ERC1: variants seen among roughly 807,000 people sequenced by gnomAD.
ERC1 encodes the protein RAB6 interacting protein 2.
Under a neutral mutation model 132.0 loss-of-function variants are expected in ERC1, and 56 were observed. That is an observed-to-expected ratio of 0.42 (90% CI 0.34 to 0.53). The LOEUF is 0.53. Ranked by LOEUF, ERC1 falls within the 20% of genes least tolerant of loss-of-function variation. ERC1 has a pLI of 0.03. For synonymous variants in ERC1, 478 were observed against 476.1 expected, an observed-to-expected ratio of 1.00 and a Z score of -0.05; for missense variants, 1,202 against 1,349.9, an observed-to-expected ratio of 0.89 and a Z score of 1.72.
chr12:1,358,177 G>A (rs2085722155), intron 15 of ERC1, among the ~76,000 whole-genome samples: 1 of 144,924 alleles, frequency 6.9e-6, no homozygotes, highest in East Asian at 2.0e-4. Context: ...AAAAAACATT[G>A]CACCCCAACC....
chr12:1,349,982 C>A (rs2084855769), intron 15 of ERC1, among the ~76,000 whole-genome samples: 1 of 152,156 alleles, frequency 6.6e-6, no homozygotes, highest in African/African-American at 2.4e-5. Context: ...CTCTACTGTT[C>A]CTTATTGAGG....
rs1229933621 is a variant in ERC1, at chr12:1,196,848, G to GTCTCTCTCTCAC, written c.2351+6807_2351+6818dup. Among the ~76,000 whole-genome samples the GTCTCTCTCTCAC allele has an allele frequency of 6.7e-4, 38 of 56,324 alleles. 1 individual carries two copies. Among genetic ancestry groups the GTCTCTCTCTCAC allele is most frequent in the Non-Finnish European group, 1.5e-3 (35 of 23,096 alleles). 37.0% of individuals were successfully genotyped at this position (56,324 alleles called of 152,430 possible). On this transcript the variant is annotated intron_variant, in intron 12 of 18. Coordinates refer to ENST00000360905, the MANE Select transcript of ERC1 (RefSeq NM_178040.4). ...TCTCTCTCTGTCTGTCTCTCTGTCT[G>GTCTCTCTCTCAC]TCTCTCTCTCACTCTCTCTCTCTCT... is the stretch of plus-strand genomic sequence containing the variant.
chr12:1,319,402 T>G (rs1184889709), intron 15 of ERC1, among the ~76,000 whole-genome samples: 4 of 152,246 alleles, frequency 2.6e-5, no homozygotes, highest in South Asian at 2.1e-4. Flanking sequence ...CCCCAAAGCA[T>G]GTGCCTGTTA....
In ERC1 at chr12:1,028,003, C is replaced by G. The variant is rs774585775; in HGVS notation, c.100C>G (p.Arg34Gly). The G allele has an allele frequency of 6.2e-7, 1 of 1,614,024 alleles. No homozygotes were observed. Among genetic ancestry groups the G allele is most frequent in the Non-Finnish European group, 8.5e-7 (1 of 1,180,050 alleles). ...LPRSPRLGHR[R>G]TNSTGGSSGS... ...ACGTTCCCCTCGCTTGGGTCACCGT[C>G]GAACCAACAGTACGGGAGGGAGTTC... Residue 34 changes from arginine (R) to glycine (G), a missense_variant, in exon 2 of 19, where the codon CGA becomes GGA. By Grantham distance (125) the Arg-to-Gly change is moderately radical (BLOSUM62 -2). Transcript: ENST00000360905.
intron 12 of ERC1, among the ~76,000 whole-genome samples, chr12:1,214,841 A>G (rs79611138): frequency 0.022 from 3,358 of 152,300 alleles, 52 homozygotes; most frequent in East Asian, 0.073. Flanking sequence ...CATGTCATAA[A>G]TAAAAAAGAT....
intron 15 of ERC1, among the ~76,000 whole-genome samples, chr12:1,334,315 T>C (rs1200524826): frequency 1.3e-5 from 2 of 152,244 alleles, no homozygotes; most frequent in African/African-American, 4.8e-5. Context: ...CCCATTCCTG[T>C]GTCCTGATTG....
intron 2 of ERC1, among the ~76,000 whole-genome samples, chr12:1,082,023 T>TTTGC (rs1031694553): frequency 6.7e-5 from 7 of 104,230 alleles, no homozygotes; most frequent in African/African-American, 1.9e-4. Flanking sequence ...GTCCTTCGGT[T>TTTGC]TTGCTTGTTT....
At chr12:1,417,344 G>A (rs765654717) in intron 17 of ERC1, among the ~76,000 whole-genome samples, 1 of 151,832 alleles carries the variant, frequency 6.6e-6, no homozygotes, top group Non-Finnish European at 1.5e-5. Flanking sequence ...TACTCAGCAG[G>A]TCCCTTCTGT....
chr12:1,284,648 A>G (rs945634427), intron 14 of ERC1, among the ~76,000 whole-genome samples: 1 of 152,066 alleles, frequency 6.6e-6, no homozygotes, highest in Non-Finnish European at 1.5e-5. Flanking sequence ...GGGATGAGAT[A>G]GTATCTCATT....
At chr12:1,239,999 T>G (rs1304046225) in intron 13 of ERC1, among the ~76,000 whole-genome samples, 1 of 152,170 alleles carries the variant, frequency 6.6e-6, no homozygotes, top group African/African-American at 2.4e-5. Context: ...GAAAAATCAC[T>G]GCGCTATAGC....
chr12:1,009,342 T>G (rs1441207772), intron 1 of ERC1, among the ~76,000 whole-genome samples: 4 of 151,990 alleles, frequency 2.6e-5, no homozygotes, highest in Admixed American at 6.6e-5. Flanking sequence ...GCCCGGCTAA[T>G]TTTTTGTATT....
chr12:1,219,986 T>A (rs538673047), intron 12 of ERC1, among the ~76,000 whole-genome samples: 3 of 152,332 alleles, frequency 2.0e-5, no homozygotes, highest in Admixed American at 6.5e-5. Context: ...CTGTATCCTA[T>A]GGCTTCTTGC....
chr12:1,277,004 G>A (rs1388955961), intron 14 of ERC1, among the ~76,000 whole-genome samples: 1 of 152,204 alleles, frequency 6.6e-6, no homozygotes. Flanking sequence ...AATTAGAATA[G>A]ATATTTATGT....
chr12:1,124,751 C>T (rs1271408061), intron 7 of ERC1, among the ~76,000 whole-genome samples: 1 of 151,904 alleles, frequency 6.6e-6, no homozygotes, highest in African/African-American at 2.4e-5. Context: ...GGAGAAGTAA[C>T]TACTAGTACT....
At chr12:1,301,785 T>A (rs73031224) in intron 15 of ERC1, among the ~76,000 whole-genome samples, 5,273 of 152,026 alleles carry the variant, frequency 0.035, 101 homozygotes, top group Middle Eastern at 0.075. Context: ...GTTTACCTAT[T>A]TAACAAACCT....
Position 1,141,725 on chromosome 12 carries a change from A to T in ERC1, c.1675A>T (p.Ile559Leu), listed in dbSNP as rs754522345. Residue 559 changes from isoleucine to leucine, a missense_variant, in exon 8 of 19, where the codon ATA becomes TTA. Transcript: ENST00000360905. ...AEEKGTQAGE[I>L]HDLKDMLDVK... is the part of the protein sequence containing the mutation. ...AGAGAAGGGGACACAAGCTGGAGAGATACATGACCTCAAGGACATGTTGGA... is the reference window on the plus strand; with the variant it reads ...AGAGAAGGGGACACAAGCTGGAGAGTTACATGACCTCAAGGACATGTTGGA... The T allele has an allele frequency of 4.3e-6, 7 of 1,613,172 alleles. No homozygotes were observed. Among genetic ancestry groups the T allele is most frequent in the Non-Finnish European group, 5.9e-6 (7 of 1,179,508 alleles).
intron 14 of ERC1, among the ~76,000 whole-genome samples, chr12:1,284,424 T>C (rs146248266): frequency 6.6e-6 from 1 of 152,158 alleles, no homozygotes; most frequent in Non-Finnish European, 1.5e-5. Flanking sequence ...CTATTTGATA[T>C]ACTGATTTCC....
At chr12:1,410,339 A>T (rs1193092104) in intron 17 of ERC1, 2 of 861,356 alleles carry the variant, frequency 2.3e-6, no homozygotes, top group Admixed American at 2.4e-5. Context: ...CCTCTTTTTC[A>T]TTCCATGCTG....
chr12:1,163,791 C>T (rs1452850731), intron 8 of ERC1, among the ~76,000 whole-genome samples: 2 of 152,220 alleles, frequency 1.3e-5, no homozygotes, highest in Non-Finnish European at 2.9e-5. Context: ...TCTCAGCTCA[C>T]TGCAACCTCT....
Sources: gnomAD v4.1 joint callset for allele counts (sites outside exome capture counted in the v4.1 genomes callset) on GRCh38, gnomAD v4.1.1 for gene constraint, MANE v1.5 for transcripts, NCBI Gene and HGNC (gene_info 2026-07-23, HGNC 2026-07-21) for gene names.